UXS1: variants seen among roughly 807,000 people sequenced by gnomAD.
UXS1 encodes the protein UDP-glucuronate decarboxylase 1.
A neutral mutation model predicts 62.6 loss-of-function variants in UXS1; 33 were observed. That is an observed-to-expected ratio of 0.53 (90% CI 0.40 to 0.70). The LOEUF (loss-of-function observed/expected upper bound fraction) is 0.70, where lower values mean the gene tolerates loss of function less well. Among genes scored for constraint, UXS1 ranks in the 30% least tolerant of loss-of-function variants. UXS1 has a pLI of 0.00. For synonymous variants in UXS1, 213 were observed against 206.8 expected (o/e 1.03, Z -0.26); for missense variants, 434 against 556.3 (o/e 0.78, Z 2.21).
At chr2:106,144,105 T>C (rs550763358) in intron 6 of UXS1, among the ~76,000 whole-genome samples, 10 of 152,308 alleles carry the variant, frequency 6.6e-5, no homozygotes, top group Admixed American at 1.3e-4. Context: ...AGAATCTGCT[T>C]GCCAGGCCCT....
At position 106,194,137 on chromosome 2, in the gene UXS1, C is replaced by A. The variant is rs1244073263; in HGVS notation, c.94+11G>T. On this transcript the variant is annotated intron_variant, in intron 1 of 14. Transcript: ENST00000283148. ...ATGGGGCTCCCCAGCTGGCAGCGGG[C>A]GCGCACTCACAGGCGACGTAGGCCA... is the stretch of plus-strand genomic sequence containing the variant. 22 of 1,469,590 alleles carry A rather than the reference C, an allele frequency of 1.5e-5. No individual in the cohort carries two copies. Among genetic ancestry groups the A allele is most frequent in the Non-Finnish European group, 1.8e-5 (20 of 1,108,716 alleles). 91.0% of individuals were successfully genotyped at this position (1,469,590 alleles called of 1,614,324 possible).
At chr2:106,177,635 T>A (rs535414661) in intron 1 of UXS1, among the ~76,000 whole-genome samples, 1 of 152,352 alleles carries the variant, frequency 6.6e-6, no homozygotes, top group African/African-American at 2.4e-5. Flanking sequence ...ACACCTTTTT[T>A]AAGTCTGTAC....
chr2:106,192,555 C>A (rs1323956925), intron 1 of UXS1, among the ~76,000 whole-genome samples: 10 of 129,992 alleles, frequency 7.7e-5, no homozygotes, highest in African/African-American at 2.0e-4. Context: ...GACTCCGTCT[C>A]AAAAAAAAAA....
At chr2:106,139,256 A>T (rs1680901067) in intron 6 of UXS1, among the ~76,000 whole-genome samples, 1 of 152,184 alleles carries the variant, frequency 6.6e-6, no homozygotes, top group Admixed American at 6.5e-5. Context: ...TTTCACATTT[A>T]CAAGGCCACG....
In UXS1 at chr2:106,163,663, A is replaced by G. The variant is rs1294738396; in HGVS notation, c.230+4T>C. ...ATTGACTTTAAGACAAAAAGTACAC[A>G]TACCTTTTTTCTAAATCTCTGATTT... On this transcript the variant is annotated splice_donor_region_variant and intron_variant, in intron 4 of 14. Transcript: ENST00000283148. 2 of 1,468,012 alleles carry G rather than the reference A, an allele frequency of 1.4e-6. No individual in the cohort carries two copies. Among genetic ancestry groups the G allele is most frequent in the Non-Finnish European group, 1.8e-6 (2 of 1,103,568 alleles). The allele number at this position is 1,468,012 out of a possible 1,614,324, so 90.9% of individuals were successfully genotyped here.
chr2:106,177,456 A>G (rs1683960470), intron 1 of UXS1, among the ~76,000 whole-genome samples: 1 of 152,178 alleles, frequency 6.6e-6, no homozygotes, highest in Non-Finnish European at 1.5e-5. Flanking sequence ...TCGGCCTCCC[A>G]AAGTGATGGG....
At chr2:106,170,298 C>G (rs555632060) in intron 1 of UXS1, among the ~76,000 whole-genome samples, 6 of 152,300 alleles carry the variant, frequency 3.9e-5, no homozygotes, top group African/African-American at 1.4e-4. Context: ...CAGAAAGCAC[C>G]TTCAACCTTC....
intron 9 of UXS1, among the ~76,000 whole-genome samples, chr2:106,119,709 C>T (rs908668683): frequency 8.5e-5 from 13 of 152,146 alleles, no homozygotes; most frequent in African/African-American, 3.1e-4. Context: ...TGATTTGCCC[C>T]AGATCAAGCC....
At chr2:106,160,992 G>C (rs993645058) in intron 4 of UXS1, among the ~76,000 whole-genome samples, 2 of 152,140 alleles carry the variant, frequency 1.3e-5, no homozygotes, top group Non-Finnish European at 2.9e-5. Flanking sequence ...ACAGGAAGGG[G>C]AGAGTGCCTG....
intron 14 of UXS1, among the ~76,000 whole-genome samples, chr2:106,094,902 T>C (rs1676950904): frequency 6.6e-6 from 1 of 152,384 alleles, no homozygotes; most frequent in East Asian, 1.9e-4. Context: ...TGAAAACTTA[T>C]CAAATTGTAT....
intron 6 of UXS1, among the ~76,000 whole-genome samples, chr2:106,143,707 C>G (rs1681333892): frequency 6.6e-6 from 1 of 152,142 alleles, no homozygotes; most frequent in African/African-American, 2.4e-5. Context: ...TTCCCTGAGG[C>G]TGCAGGACTG....
intron 6 of UXS1, among the ~76,000 whole-genome samples, chr2:106,131,530 T>G (rs1264518094): frequency 1.6e-4 from 1 of 6,138 alleles, no homozygotes. Flanking sequence ...AAGAGAGCAG[T>G]GGTTCTCCCA....
At chr2:106,137,084 A>C (rs1680714679) in intron 6 of UXS1, among the ~76,000 whole-genome samples, 1 of 151,774 alleles carries the variant, frequency 6.6e-6, no homozygotes, top group East Asian at 1.9e-4. Context: ...AAAACACAAA[A>C]TCTTTAAAAT....
At chr2:106,149,693 G>A (rs900133431) in intron 5 of UXS1, among the ~76,000 whole-genome samples, 1 of 152,220 alleles carries the variant, frequency 6.6e-6, no homozygotes, top group Non-Finnish European at 1.5e-5. Context: ...GACTAGGACA[G>A]AAAATGGGTA....
chr2:106,173,457 G>A (rs1683688374), intron 1 of UXS1, among the ~76,000 whole-genome samples: 1 of 152,190 alleles, frequency 6.6e-6, no homozygotes, highest in African/African-American at 2.4e-5. Flanking sequence ...AGGAAGCTGA[G>A]GTGGGAGAAT....
intron 6 of UXS1, among the ~76,000 whole-genome samples, chr2:106,142,287 T>C (rs767891710): frequency 9.9e-5 from 15 of 152,252 alleles, no homozygotes; most frequent in Non-Finnish European, 2.2e-4. Context: ...GAAAAAAGTT[T>C]CTTTTGAAAA....
intron 5 of UXS1, among the ~76,000 whole-genome samples, chr2:106,151,374 G>C (rs1169231290): frequency 6.6e-6 from 1 of 152,146 alleles, no homozygotes; most frequent in East Asian, 1.9e-4. Context: ...TGGGAGGTGA[G>C]GCCTAATGAG....
intron 12 of UXS1, 30 bp from the exon 13 acceptor site, chr2:106,098,803 C>T (rs746914827): frequency 5.0e-6 from 8 of 1,600,252 alleles, no homozygotes; most frequent in Admixed American, 3.4e-5. Flanking sequence ...CAGTTATAAG[C>T]GTCATGACAA....
chr2:106,116,389 C>A (rs1472844676), intron 9 of UXS1, among the ~76,000 whole-genome samples: 2 of 152,194 alleles, frequency 1.3e-5, no homozygotes, highest in African/African-American at 4.8e-5. Context: ...GACTCAAGGG[C>A]GGTAATGAGC....
Sources: allele counts gnomAD v4.1 joint callset (sites outside exome capture counted in the v4.1 genomes callset), GRCh38; gene constraint gnomAD v4.1.1; transcripts MANE v1.5; gene names NCBI Gene and HGNC (gene_info 2026-07-23, HGNC 2026-07-21).